MTMR1: variants seen among roughly 807,000 people sequenced by gnomAD.
The protein encoded by MTMR1 is myotubularin related protein 1.
Under a neutral mutation model 51.6 loss-of-function variants are expected in MTMR1, and 17 were observed. That is an observed-to-expected ratio of 0.33 (90% confidence interval 0.23 to 0.49). MTMR1 has a LOEUF of 0.49. Ranked by LOEUF, MTMR1 falls within the 20% of genes least tolerant of loss-of-function variation. MTMR1 has a pLI of 0.99. For synonymous variants in MTMR1, 201 were observed against 205.6 expected (o/e 0.98, Z 0.19); for missense variants, 386 against 526.9 (o/e 0.73, Z 2.62).
In MTMR1 at chrX:150,762,589, G is replaced by A. The variant is rs782780485; in HGVS notation, c.1882G>A (p.Glu628Lys). The change falls in exon 16 of 16, where the codon GAG (glutamate) becomes AAG (lysine). Residue 628 changes from glutamate to lysine, a missense_variant. Physicochemically the swap from Glu to Lys is moderately conservative, Grantham distance 56 (BLOSUM62 1). Coordinates refer to ENST00000445323, the MANE Select transcript of MTMR1 (RefSeq NM_001306144.3). ...PQMPIHQNLKELLAVRAELQK... is the reference protein window; with the variant it reads ...PQMPIHQNLKKLLAVRAELQK... ...GATGCCCATTCACCAGAATCTCAAG[G>A]AGCTGCTGGCCGTCAGGGCGGAGCT... is the stretch of plus-strand genomic sequence containing the variant. The A allele has an allele frequency of 8.2e-7, 1 of 1,212,221 alleles. No individual in the cohort carries two copies. Among genetic ancestry groups the A allele is most frequent in the Admixed American group, 2.2e-5 (1 of 46,101 alleles).
intron 10 of MTMR1, chrX:150,735,688 A>G: frequency 2.9e-6 from 1 of 347,656 alleles, no homozygotes; most frequent in African/African-American, 2.6e-5. Flanking sequence ...TGAATTGTAT[A>G]TATTTATGGT....
Position 150,711,650 on chromosome X carries a change from TG to T in MTMR1, c.253-689del, listed in dbSNP as rs782664758. On this transcript the variant is annotated intron_variant, in intron 2 of 15. Transcript: ENST00000445323. Reference sequence around the variant, plus strand: ...AATCAGTGTGCCTGCTGAATAAAGCTGGGCTTTCCCTCCTCTCCGGGAACAG... The same window carrying T: ...AATCAGTGTGCCTGCTGAATAAAGCTGGCTTTCCCTCCTCTCCGGGAACAG... Among the ~76,000 whole-genome samples the T allele has an allele frequency of 2.7e-5, 3 of 112,423 alleles. No individual in the cohort carries two copies. The South Asian group carries it at 1.1e-3, about 41-fold the overall frequency.
At chrX:150,693,357 C>T (rs2040541404), upstream of MTMR1, 7 of 619,325 alleles carry the variant, frequency 1.1e-5, no homozygotes, top group South Asian at 5.8e-4. Flanking sequence ...CCCCGACCCC[C>T]GCGCGCGCGG....
chrX:150,734,256 T>TA (rs1195716559), intron 10 of MTMR1, among the ~76,000 whole-genome samples: 1 of 113,012 alleles, frequency 8.8e-6, no homozygotes, highest in African/African-American at 3.2e-5. Flanking sequence ...CCTGGATCCT[T>TA]AAACACATCT....
rs190074525 is a variant in MTMR1, at chrX:150,760,795, C to T, written c.1858-1770C>T. Among the ~76,000 whole-genome samples, 512 of 110,272 alleles carry T rather than the reference C, an allele frequency of 4.6e-3. 3 individuals carry two copies. Among genetic ancestry groups the T allele is most frequent in the African/African-American group, 0.016 (479 of 30,259 alleles). ...AAAAATTAGCCAGACACAGTGGTGG[C>T]GGGCGCCTGTAATCCCAGCTGCTCA... On this transcript the variant is annotated intron_variant, in intron 15 of 15. Coordinates refer to ENST00000445323, the MANE Select transcript of MTMR1 (RefSeq NM_001306144.3).
intron 6 of MTMR1, among the ~76,000 whole-genome samples, chrX:150,729,659 G>A (rs920223557): frequency 1.8e-5 from 2 of 112,203 alleles, no homozygotes; most frequent in African/African-American, 6.5e-5. Flanking sequence ...CACTGTGGCC[G>A]ATTTCTAATG....
At position 150,763,438 on chromosome X, in the gene MTMR1, G is replaced by C. The variant is rs782595541; in HGVS notation, c.*709G>C. The C allele has an allele frequency of 8.9e-6, 1 of 112,742 alleles. No homozygotes were observed. The highest frequency in any genetic ancestry group is 1.9e-5 in the Non-Finnish European group (1 of 53,320). 9.3% of individuals were successfully genotyped at this position (112,742 alleles called of 1,213,427 possible). On this transcript the variant is annotated 3_prime_UTR_variant, in exon 16 of 16. Coordinates refer to ENST00000445323, the MANE Select transcript of MTMR1 (RefSeq NM_001306144.3). ...GGTACTCGCCTCTTGGGGCGGCTCA[G>C]CCCATTCATGGGGATGGCACCAAGC...
At chrX:150,722,071 A>T (rs1317999804) in intron 4 of MTMR1, among the ~76,000 whole-genome samples, 1 of 111,696 alleles carries the variant, frequency 9.0e-6, no homozygotes, top group Non-Finnish European at 1.9e-5. Flanking sequence ...TTCTTCGATT[A>T]TTGAGTTCTA....
chrX:150,700,576 A>G (rs1557415899), intron 2 of MTMR1, among the ~76,000 whole-genome samples: 1 of 112,713 alleles, frequency 8.9e-6, no homozygotes, highest in Admixed American at 9.4e-5. Context: ...TCGGGCAAAC[A>G]CACTGTCTCC....
Position 150,727,250 on chromosome X carries a change from G to A in MTMR1, c.388G>A (p.Ala130Thr). 1 of 1,209,853 alleles carries A rather than the reference G, an allele frequency of 8.3e-7. No individual in the cohort carries two copies. The highest frequency in any genetic ancestry group is 1.7e-5 in the African/African-American group (1 of 57,848). ...DVMYICPFMG[A>T]VSGTLTVTDF... is the part of the protein sequence containing the mutation. ...CATGTATATCTGCCCATTTATGGGAGCAGTGAGTGGAACCCTGACAGTGAC... is the reference window on the plus strand; with the variant it reads ...CATGTATATCTGCCCATTTATGGGAACAGTGAGTGGAACCCTGACAGTGAC... Residue 130 changes from alanine (A) to threonine (T), a missense_variant, in exon 5 of 16, where the codon GCA (alanine) becomes ACA (threonine). Transcript: ENST00000445323.
chrX:150,695,625 G>C (rs782164559), intron 1 of MTMR1, among the ~76,000 whole-genome samples: 2 of 111,961 alleles, frequency 1.8e-5, no homozygotes, highest in Admixed American at 1.9e-4. Context: ...GGTGGAGCAG[G>C]GTTAGAAAAT....
At chrX:150,751,916 T>C (rs2042747895) in intron 14 of MTMR1, among the ~76,000 whole-genome samples, 3 of 89,848 alleles carry the variant, frequency 3.3e-5, no homozygotes, top group African/African-American at 9.0e-5. Flanking sequence ...CTTTCTTTTT[T>C]TTTTTTTTTT....
chrX:150,760,117 A>G (rs1428748811), intron 15 of MTMR1, among the ~76,000 whole-genome samples: 1 of 109,174 alleles, frequency 9.2e-6, no homozygotes, highest in Non-Finnish European at 1.9e-5. Context: ...TGTGCTACAC[A>G]GAAGAGAGAA....
chrX:150,754,301 C>T (rs2042839246), intron 14 of MTMR1, among the ~76,000 whole-genome samples: 2 of 112,760 alleles, frequency 1.8e-5, no homozygotes, highest in African/African-American at 6.4e-5. Context: ...TTAGCTATTC[C>T]AGATCCTTTG....
intron 2 of MTMR1, among the ~76,000 whole-genome samples, chrX:150,700,467 A>G (rs782805809): frequency 2.7e-5 from 3 of 112,461 alleles, no homozygotes; most frequent in Non-Finnish European, 5.6e-5. Flanking sequence ...CTGCCCAGCT[A>G]GAAGAGTGAC....
In MTMR1 at chrX:150,703,788, A is replaced by T. The variant is rs185107062; in HGVS notation, c.252+4488A>T. On this transcript the variant is annotated intron_variant, in intron 2 of 15. Coordinates refer to ENST00000445323, the MANE Select transcript of MTMR1 (RefSeq NM_001306144.3). Reference sequence around the variant, plus strand: ...TATAAATCAGAGCTTGCAAACTCAGATGCCTTCATGGAACAGTTCACAAAT... The same window carrying T: ...TATAAATCAGAGCTTGCAAACTCAGTTGCCTTCATGGAACAGTTCACAAAT... Among the ~76,000 whole-genome samples the T allele has an allele frequency of 7.1e-5, 8 of 111,972 alleles. No homozygotes were observed. The East Asian group carries it at 2.0e-3, about 27-fold the overall frequency.
rs181645687 is a variant in MTMR1 at position 150,731,051 on chromosome X, C to T, written c.742-419C>T. 5.4e-5 allele frequency among the ~76,000 whole-genome samples: 6 copies of T among 111,892 alleles called. No individual in the cohort carries two copies. In the East Asian group the frequency reaches 1.4e-3, roughly 26 times the overall value. On this transcript the variant is annotated intron_variant, in intron 8 of 15. Transcript: ENST00000445323. ...TTCCACTAAGATCTTATTTTCATGA[C>T]GTTTGTTTCATGACGTTGTCTCTAC...
chrX:150,730,614 G>A lies in MTMR1; in HGVS notation c.741+6G>A, dbSNP rs2042088684. ...TATCTGAATATAAGAGACAGGTAAA[G>A]TATATTGCTTATCAAACTGAAAATA... is the stretch of plus-strand genomic sequence containing the variant. On this transcript the variant is annotated splice_donor_region_variant and intron_variant, in intron 8 of 15. Transcript: ENST00000445323. 3.0e-6 allele frequency: 3 copies of A among 1,000,238 alleles called. No homozygotes were observed. The highest frequency in any genetic ancestry group is 4.1e-6 in the Non-Finnish European group (3 of 739,504). The allele number at this position is 1,000,238 out of a possible 1,213,427, so 82.4% of individuals were successfully genotyped here.
chrX:150,737,460 C>G lies in MTMR1; in HGVS notation c.1473+12C>G, dbSNP rs782027661. 1 of 1,195,519 alleles carries G rather than the reference C, an allele frequency of 8.4e-7. No homozygotes were observed. The highest frequency in any genetic ancestry group is 1.8e-5 in the African/African-American group (1 of 56,791). On this transcript the variant is annotated intron_variant, in intron 12 of 15. Transcript: ENST00000445323. ...ACAGGTTTGCACTGGTAAGTTCAGACAGTGAGGTTTATGCTGGACTGTTTT... is the reference window on the plus strand; with the variant it reads ...ACAGGTTTGCACTGGTAAGTTCAGAGAGTGAGGTTTATGCTGGACTGTTTT...
Sources: allele counts gnomAD v4.1 joint callset (sites outside exome capture counted in the v4.1 genomes callset), GRCh38; gene constraint gnomAD v4.1.1; transcripts MANE v1.5; gene names NCBI Gene and HGNC (gene_info 2026-07-23, HGNC 2026-07-21).